Variants in LRRC4C observed in about 807,000 individuals in gnomAD.
The protein encoded by LRRC4C is leucine-rich repeat-containing protein 4C.
In LRRC4C, 5 loss-of-function variants were observed where a neutral mutation model predicts 33.6. The ratio of observed to expected loss-of-function variants is 0.15; its 90% CI spans 0.08 to 0.31. The LOEUF (loss-of-function observed/expected upper bound fraction) is 0.31. LRRC4C is among the 10% of genes least tolerant of loss of function. The pLI is 1.00. For missense variants in LRRC4C, 560 were observed against 796.7 expected (o/e 0.70, Z 3.58); for synonymous variants, 329 against 302.0 (o/e 1.09, Z -0.93).
At chr11:41,167,506 GGT>G (rs1477129282) in intron 1 of LRRC4C, among the ~76,000 whole-genome samples, 1 of 152,124 alleles carries the variant, frequency 6.6e-6, no homozygotes, top group Non-Finnish European at 1.5e-5. Context: ...TCCTCCCTGA[GGT>G]GTGTTGACTC....
intron 3 of LRRC4C, among the ~76,000 whole-genome samples, chr11:40,389,411 G>A (rs1949247675): frequency 6.6e-6 from 1 of 151,380 alleles, no homozygotes. Context: ...ATTACTACAG[G>A]GCAAAAAAGT....
Position 40,863,068 on chromosome 11 carries a change from A to C in LRRC4C, c.-407+70567T>G, listed in dbSNP as rs148560539. 1.6e-3 allele frequency among the ~76,000 whole-genome samples: 240 copies of C among 152,360 alleles called. 1 individual carries two copies. Among genetic ancestry groups the C allele is most frequent in the South Asian group, 9.7e-3 (47 of 4,828 alleles). On this transcript the variant is annotated intron_variant, in intron 2 of 6. Coordinates refer to ENST00000528697, the MANE Select transcript of LRRC4C (RefSeq NM_001258419.2). ...GCACTGAAGGTTATCATCACAGTGC[A>C]AGGAGGAAGATGGAATTATTATGTA...
chr11:41,416,012 T>C (rs1413775793), intron 1 of LRRC4C, among the ~76,000 whole-genome samples: 1 of 151,782 alleles, frequency 6.6e-6, no homozygotes, highest in Non-Finnish European at 1.5e-5. Context: ...TGCTTGATAC[T>C]GGGTGGCTGA....
chr11:40,707,596 G>A (rs1378437795), intron 2 of LRRC4C, among the ~76,000 whole-genome samples: 2 of 152,182 alleles, frequency 1.3e-5, no homozygotes. Flanking sequence ...TTGATGTGCT[G>A]CTGGATTTGG....
intron 3 of LRRC4C, among the ~76,000 whole-genome samples, chr11:40,352,175 T>C (rs1283055300): frequency 6.7e-6 from 1 of 149,156 alleles, no homozygotes; most frequent in East Asian, 2.0e-4. Flanking sequence ...TCCCTTTCCT[T>C]CCTTTCCTTC....
At chr11:40,869,380 C>T (rs1954525729) in intron 2 of LRRC4C, among the ~76,000 whole-genome samples, 1 of 152,068 alleles carries the variant, frequency 6.6e-6, no homozygotes, top group Admixed American at 6.6e-5. Context: ...GAATGTCAGT[C>T]AACCATCAGG....
chr11:40,263,547 A>C (rs1342439461), intron 4 of LRRC4C, among the ~76,000 whole-genome samples: 1 of 152,000 alleles, frequency 6.6e-6, no homozygotes, highest in Non-Finnish European at 1.5e-5. Context: ...GGGGGATGGG[A>C]TCTTGCTATG....
chr11:40,617,691 T>C (rs1224859893), intron 3 of LRRC4C, among the ~76,000 whole-genome samples: 2 of 151,770 alleles, frequency 1.3e-5, no homozygotes, highest in Non-Finnish European at 3.0e-5. Context: ...AATATTTTGA[T>C]ATTTCTGAAT....
intron 1 of LRRC4C, among the ~76,000 whole-genome samples, chr11:40,940,975 G>A (rs1016527074): frequency 1.4e-5 from 2 of 147,118 alleles, no homozygotes; most frequent in South Asian, 2.1e-4. Flanking sequence ...GAATGATCAC[G>A]TAATACATTC....
At chr11:41,027,882 A>G (rs1292655373) in intron 1 of LRRC4C, among the ~76,000 whole-genome samples, 1 of 151,654 alleles carries the variant, frequency 6.6e-6, no homozygotes, top group East Asian at 1.9e-4. Flanking sequence ...TTGCTATCTC[A>G]TTCAAGTACC....
chr11:40,781,478 GT>G (rs1950207925), intron 2 of LRRC4C, among the ~76,000 whole-genome samples: 1 of 152,096 alleles, frequency 6.6e-6, no homozygotes, highest in African/African-American at 2.4e-5. Context: ...TTTAACGTAG[GT>G]TTGGGCCAGC....
intron 1 of LRRC4C, chr11:41,423,929 TA>T (rs1954953353): frequency 6.9e-6 from 1 of 144,554 alleles, no homozygotes; most frequent in Non-Finnish European, 1.5e-5. Context: ...TGGTGGGAGG[TA>T]ACTGAATCAT....
At chr11:40,846,822 C>T (rs957546636) in intron 2 of LRRC4C, among the ~76,000 whole-genome samples, 1 of 152,108 alleles carries the variant, frequency 6.6e-6, no homozygotes, top group African/African-American at 2.4e-5. Context: ...TTTGTGTCCT[C>T]TCTTATTTCC....
chr11:40,996,337 C>T (rs1019179014), intron 1 of LRRC4C, among the ~76,000 whole-genome samples: 12 of 151,678 alleles, frequency 7.9e-5, no homozygotes, highest in Non-Finnish European at 5.9e-5. Context: ...GTGATTCTAG[C>T]TATTTTCAGG....
chr11:40,608,427 A>C (rs557257330), intron 3 of LRRC4C, among the ~76,000 whole-genome samples: 2 of 152,206 alleles, frequency 1.3e-5, no homozygotes, highest in African/African-American at 4.8e-5. Context: ...TGTCACTACA[A>C]AAAAGAAATT....
intron 1 of LRRC4C, among the ~76,000 whole-genome samples, chr11:41,234,245 A>G (rs959188000): frequency 6.6e-6 from 1 of 152,018 alleles, no homozygotes; most frequent in African/African-American, 2.4e-5. Context: ...TAATTGACAA[A>G]TGAAATTGTG....
rs1554991243 is a variant in LRRC4C, at chr11:40,898,366, A to AAGAAAAG, written c.-407+35268_-407+35269insCTTTTCT. Among the ~76,000 whole-genome samples, 418 of 117,472 alleles carry AAGAAAAG rather than the reference A, an allele frequency of 3.6e-3. 4 individuals carry two copies. The highest frequency in any genetic ancestry group is 6.2e-3 in the Non-Finnish European group (354 of 57,090). 77.1% of individuals were successfully genotyped at this position (117,472 alleles called of 152,430 possible). On this transcript the variant is annotated intron_variant, in intron 2 of 6. Transcript: ENST00000528697. ...GAAACTCCATCTCAAAAAAAAAAAA[A>AAGAAAAG]AAAAAAGAAAAAAGAAATGTAAGCT... is the stretch of plus-strand genomic sequence containing the variant.
intron 1 of LRRC4C, among the ~76,000 whole-genome samples, chr11:41,197,052 G>A (rs536487151): frequency 1.4e-4 from 21 of 152,064 alleles, no homozygotes; most frequent in African/African-American, 4.8e-4. Flanking sequence ...CAGAGCTACT[G>A]GTAGGAATCA....
chr11:40,580,568 A>G (rs1224407378), intron 3 of LRRC4C, among the ~76,000 whole-genome samples: 3 of 152,166 alleles, frequency 2.0e-5, no homozygotes, highest in East Asian at 1.9e-4. Flanking sequence ...TTTTTTGTAA[A>G]TATCTATAAC....
Sources: gnomAD v4.1 joint callset for allele counts (sites outside exome capture counted in the v4.1 genomes callset) on GRCh38, gnomAD v4.1.1 for gene constraint, MANE v1.5 for transcripts, NCBI Gene and HGNC (gene_info 2026-07-23, HGNC 2026-07-21) for gene names.